The following MAGI2 variants were observed in gnomAD, a reference collection of about 807,000 sequenced individuals.
MAGI2 encodes the protein membrane associated guanylate kinase, WW and PDZ domain containing 2, also known as membrane-associated guanylate kinase, WW and PDZ domain-containing protein 2.
A neutral mutation model predicts 133.3 loss-of-function variants in MAGI2; 35 were observed. The ratio of observed to expected loss-of-function variants is 0.26; its 90% confidence interval spans 0.20 to 0.35. The LOEUF is 0.35. Ranked by LOEUF, MAGI2 falls within the 10% of genes least tolerant of loss-of-function variation. The pLI is 1.00. For missense variants in MAGI2, 1,636 were observed against 1,863.4 expected (o/e 0.88, Z 2.25); for synonymous variants, 729 against 710.6 (o/e 1.03, Z -0.41).
chr7:79,228,857 A>C (rs1053372304), intron 1 of MAGI2, among the ~76,000 whole-genome samples: 1 of 152,088 alleles, frequency 6.6e-6, no homozygotes, highest in Admixed American at 6.5e-5. Context: ...AGAGGATGCT[A>C]ATAGGTACTG....
chr7:78,514,748 G>C (rs1795898956), intron 4 of MAGI2, among the ~76,000 whole-genome samples: 1 of 152,134 alleles, frequency 6.6e-6, no homozygotes, highest in South Asian at 2.1e-4. Context: ...ACAGAACCAG[G>C]ACTGATGGTG....
At chr7:79,203,404 T>C (rs1275537280) in intron 1 of MAGI2, among the ~76,000 whole-genome samples, 1 of 152,064 alleles carries the variant, frequency 6.6e-6, no homozygotes, top group South Asian at 2.1e-4. Context: ...TCTGGTCCTG[T>C]CTACCCCTTC....
chr7:78,462,738 A>G (rs1790192966), intron 6 of MAGI2, among the ~76,000 whole-genome samples: 1 of 152,226 alleles, frequency 6.6e-6, no homozygotes, highest in South Asian at 2.1e-4. Flanking sequence ...AGCTTCCTAG[A>G]AAATCCGGGT....
At chr7:78,775,067 A>C (rs1825877662) in intron 2 of MAGI2, among the ~76,000 whole-genome samples, 1 of 152,078 alleles carries the variant, frequency 6.6e-6, no homozygotes, top group East Asian at 1.9e-4. Flanking sequence ...TAATCCCAGC[A>C]CTTTGGGAGG....
At chr7:78,734,916 A>G (rs528090030) in intron 2 of MAGI2, among the ~76,000 whole-genome samples, 36 of 152,250 alleles carry the variant, frequency 2.4e-4, no homozygotes, top group Admixed American at 1.7e-3. Flanking sequence ...TGAGAAACAA[A>G]TGTTCTTTGT....
intron 20 of MAGI2, among the ~76,000 whole-genome samples, chr7:78,108,681 T>C (rs1170102188): frequency 2.6e-5 from 4 of 151,130 alleles, no homozygotes; most frequent in African/African-American, 4.8e-5. Flanking sequence ...TACACACATA[T>C]ATGTGAGTGT....
intron 3 of MAGI2, among the ~76,000 whole-genome samples, chr7:78,524,665 C>G (rs1012252582): frequency 2.0e-5 from 3 of 152,070 alleles, no homozygotes; most frequent in Non-Finnish European, 4.4e-5. Flanking sequence ...TAAATCAGAC[C>G]TCTATATGTA....
At chr7:79,368,711 A>G (rs945946134) in intron 1 of MAGI2, among the ~76,000 whole-genome samples, 13 of 150,316 alleles carry the variant, frequency 8.6e-5, no homozygotes, top group Admixed American at 7.9e-4. Flanking sequence ...AGCCGGGCGT[A>G]GTGGCGGGCG....
intron 10 of MAGI2, among the ~76,000 whole-genome samples, chr7:78,208,135 CT>C (rs71085515): frequency 0.027 from 3,080 of 115,528 alleles, 41 homozygotes; most frequent in Middle Eastern, 0.074. Flanking sequence ...CCCAAAGTGG[CT>C]TTTTTTTTTT....
At chr7:78,340,178 T>C (rs948585034) in intron 9 of MAGI2, among the ~76,000 whole-genome samples, 13 of 152,170 alleles carry the variant, frequency 8.5e-5, no homozygotes, top group African/African-American at 3.1e-4. Flanking sequence ...TATCATGAAC[T>C]AAATAAATGT....
At chr7:78,515,676 G>A (rs552241227) in intron 4 of MAGI2, among the ~76,000 whole-genome samples, 2 of 152,256 alleles carry the variant, frequency 1.3e-5, no homozygotes, top group African/African-American at 4.8e-5. Context: ...CGAGGCGGGT[G>A]GATCACCTGA....
intron 1 of MAGI2, among the ~76,000 whole-genome samples, chr7:79,020,532 G>A (rs564285854): frequency 3.1e-4 from 47 of 152,062 alleles, no homozygotes; most frequent in South Asian, 1.7e-3. Context: ...TTTGTGAGGC[G>A]GAGGCGGGCT....
intron 20 of MAGI2, among the ~76,000 whole-genome samples, chr7:78,097,930 T>G (rs1412576299): frequency 1.3e-5 from 2 of 152,170 alleles, no homozygotes; most frequent in African/African-American, 4.8e-5. Flanking sequence ...GTAGGGTGTA[T>G]GTAGCTCACA....
intron 2 of MAGI2, among the ~76,000 whole-genome samples, chr7:78,861,419 T>C (rs1794149151): frequency 6.6e-6 from 1 of 152,236 alleles, no homozygotes; most frequent in Non-Finnish European, 1.5e-5. Context: ...AACATTCTTA[T>C]GGATTTAAGG....
At chr7:79,207,153 A>G (rs1214941122) in intron 1 of MAGI2, among the ~76,000 whole-genome samples, 1 of 151,924 alleles carries the variant, frequency 6.6e-6, no homozygotes, top group South Asian at 2.1e-4. Flanking sequence ...CCTTTAGGAT[A>G]TGGAACAAGA....
chr7:78,459,141 CT>C lies in MAGI2; in HGVS notation c.1045+30619del, dbSNP rs11331696. On this transcript the variant is annotated intron_variant, in intron 6 of 21. Transcript: ENST00000354212. ...AAACATAGAAACTGCTTCTACACTTCTGTCAATCCATGTTTAACAAATGTAT... is the reference window on the plus strand; with the variant it reads ...AAACATAGAAACTGCTTCTACACTTCGTCAATCCATGTTTAACAAATGTAT... 5.0e-3 allele frequency among the ~76,000 whole-genome samples: 766 copies of C among 152,300 alleles called. 12 individuals are homozygous for C. The highest frequency in any genetic ancestry group is 0.017 in the African/African-American group (701 of 41,558).
chr7:78,780,044 ACT>A (rs565886849), intron 2 of MAGI2, among the ~76,000 whole-genome samples: 85 of 152,350 alleles, frequency 5.6e-4, no homozygotes, highest in African/African-American at 1.7e-3. Flanking sequence ...TAATTAAATG[ACT>A]CTGCAAAACC....
rs192527963 is a variant in MAGI2, at chr7:79,122,959, G to T, written c.302-115753C>A. On this transcript the variant is annotated intron_variant, in intron 1 of 21. Coordinates refer to ENST00000354212, the MANE Select transcript of MAGI2 (RefSeq NM_012301.4). ...CAATATCTTTATAAAATAGAGATTAGTATGTTTAAAAAAGAGATAGGAGAG... is the reference window on the plus strand; with the variant it reads ...CAATATCTTTATAAAATAGAGATTATTATGTTTAAAAAAGAGATAGGAGAG... Among the ~76,000 whole-genome samples, 537 of 152,142 alleles carry T rather than the reference G, an allele frequency of 3.5e-3. 6 individuals carry two copies. Among genetic ancestry groups the T allele is most frequent in the African/African-American group, 0.012 (500 of 41,530 alleles).
At chr7:78,575,944 T>A (rs1019709894) in intron 3 of MAGI2, among the ~76,000 whole-genome samples, 2 of 152,114 alleles carry the variant, frequency 1.3e-5, no homozygotes, top group African/African-American at 4.8e-5. Context: ...CAACATAGGT[T>A]TATTAGTTAC....
Sources: gnomAD v4.1 joint callset for allele counts (sites outside exome capture counted in the v4.1 genomes callset) on GRCh38, gnomAD v4.1.1 for gene constraint, MANE v1.5 for transcripts, NCBI Gene and HGNC (gene_info 2026-07-23, HGNC 2026-07-21) for gene names.